Variants in IKZF2 observed in about 807,000 individuals in gnomAD.
IKZF2 encodes the protein zinc finger protein Helios.
A neutral mutation model predicts 49.2 loss-of-function variants in IKZF2; 15 were observed. That is an observed-to-expected ratio of 0.30 (90% CI 0.20 to 0.47). The LOEUF (loss-of-function observed/expected upper bound fraction) is 0.47. Ranked by LOEUF, IKZF2 falls within the 20% of genes least tolerant of loss-of-function variation. IKZF2 has a pLI of 1.00. For missense variants in IKZF2, 567 were observed against 664.6 expected (o/e 0.85, Z 1.61); for synonymous variants, 227 against 221.4 (o/e 1.03, Z -0.23).
chr2:213,136,387 A>AAAG (rs1553602768), intron 4 of IKZF2, among the ~76,000 whole-genome samples: 85 of 99,904 alleles, frequency 8.5e-4, no homozygotes, highest in African/African-American at 1.9e-3. Flanking sequence ...AAAAAAAAAA[A>AAAG]AAAAGAAAAA....
chr2:213,127,559 T>C (rs963542136), intron 4 of IKZF2, among the ~76,000 whole-genome samples: 12 of 152,172 alleles, frequency 7.9e-5, no homozygotes, highest in African/African-American at 2.7e-4. Context: ...AGTTTGTAAT[T>C]GTCATATTTT....
intron 4 of IKZF2, among the ~76,000 whole-genome samples, chr2:213,136,360 G>A (rs1446455182): frequency 1.0e-5 from 1 of 99,828 alleles, no homozygotes; most frequent in East Asian, 2.5e-4. Flanking sequence ...GACAGAGCGG[G>A]ACACTGTCTC....
At chr2:213,081,847 G>A (rs528870154) in intron 4 of IKZF2, among the ~76,000 whole-genome samples, 22 of 152,218 alleles carry the variant, frequency 1.4e-4, no homozygotes, top group African/African-American at 5.3e-4. Context: ...CTAAACTAGT[G>A]AGCTACTACA....
At chr2:213,134,688 C>T (rs572222213) in intron 4 of IKZF2, among the ~76,000 whole-genome samples, 5 of 152,244 alleles carry the variant, frequency 3.3e-5, no homozygotes, top group South Asian at 2.1e-4. Context: ...TTCTTTCTCC[C>T]GAATCTAAAT....
chr2:213,081,655 G>A (rs979416051), intron 4 of IKZF2, among the ~76,000 whole-genome samples: 4 of 152,166 alleles, frequency 2.6e-5, no homozygotes, highest in Non-Finnish European at 1.5e-5. Context: ...TCCCAGAAGG[G>A]GGAATAACAT....
intron 4 of IKZF2, among the ~76,000 whole-genome samples, chr2:213,132,266 GTACTCAAGAAAT>G: frequency 6.6e-6 from 1 of 150,976 alleles, no homozygotes; most frequent in Non-Finnish European, 1.5e-5. Flanking sequence ...GAGATAAGAT[GTACTCAAGAAAT>G]TAAGCAATGA....
chr2:213,122,902 A>G (rs536592126), intron 4 of IKZF2, among the ~76,000 whole-genome samples: 2 of 152,336 alleles, frequency 1.3e-5, no homozygotes, highest in East Asian at 3.9e-4. Context: ...GAAGCCAGCT[A>G]ATTTCCCTGT....
At chr2:213,146,763 G>GGGGGGC (rs2061084602) in intron 4 of IKZF2, among the ~76,000 whole-genome samples, 1 of 133,280 alleles carries the variant, frequency 7.5e-6, no homozygotes, top group African/African-American at 2.7e-5. Context: ...AATCTTCGGG[G>GGGGGGC]GGGGGGAAGG....
chr2:213,055,986 A>G (rs1701114432), intron 5 of IKZF2, among the ~76,000 whole-genome samples: 1 of 152,078 alleles, frequency 6.6e-6, no homozygotes, highest in Admixed American at 6.6e-5. Context: ...TTACCATTAA[A>G]CCAATTTTCA....
intron 4 of IKZF2, among the ~76,000 whole-genome samples, chr2:213,102,303 C>T (rs1373589407): frequency 6.6e-6 from 1 of 151,982 alleles, no homozygotes; most frequent in Non-Finnish European, 1.5e-5. Flanking sequence ...CAACTTTTAT[C>T]CAGCTGGAGC....
intron 7 of IKZF2, among the ~76,000 whole-genome samples, chr2:213,020,699 AT>A (rs1697114928): frequency 1.3e-5 from 2 of 152,172 alleles, no homozygotes; most frequent in Non-Finnish European, 2.9e-5. Context: ...TAACAAGAAA[AT>A]TTTAAATTAA....
At chr2:213,011,372 A>T (rs921430152) in intron 8 of IKZF2, among the ~76,000 whole-genome samples, 4 of 151,988 alleles carry the variant, frequency 2.6e-5, no homozygotes, top group African/African-American at 7.2e-5. Context: ...TTAAAAATGT[A>T]AGTGAGAAAG....
At chr2:213,142,879 T>C (rs1370080357) in intron 4 of IKZF2, among the ~76,000 whole-genome samples, 2 of 151,992 alleles carry the variant, frequency 1.3e-5, no homozygotes, top group African/African-American at 4.8e-5. Flanking sequence ...CTACCTTCTC[T>C]CGCTCTAGTG....
chr2:213,087,589 C>A (rs920288799), intron 4 of IKZF2, among the ~76,000 whole-genome samples: 1 of 152,072 alleles, frequency 6.6e-6, no homozygotes, highest in Non-Finnish European at 1.5e-5. Context: ...TGGTGTGCTG[C>A]ACCCGTTAAC....
chr2:213,122,143 T>C (rs1329292028), intron 4 of IKZF2, among the ~76,000 whole-genome samples: 1 of 152,180 alleles, frequency 6.6e-6, no homozygotes, highest in Non-Finnish European at 1.5e-5. Flanking sequence ...ATTATGCATA[T>C]ATGCTTACAT....
At chr2:213,025,508 G>A (rs10048743) in intron 6 of IKZF2, among the ~76,000 whole-genome samples, 1 of 151,942 alleles carries the variant, frequency 6.6e-6, no homozygotes, top group Non-Finnish European at 1.5e-5. Flanking sequence ...ATTAACCATC[G>A]GATACCTATT....
At position 213,001,960 on chromosome 2, in the gene IKZF2, T is replaced by A. The variant is rs1440796936; in HGVS notation, c.*5400A>T. On this transcript the variant is annotated 3_prime_UTR_variant, in exon 9 of 9. Coordinates refer to ENST00000434687, the MANE Select transcript of IKZF2 (RefSeq NM_001387220.1). ...TGTAGTCATTTTTTAAAAAATCAAT[T>A]TCCAGTAAATTAAAGTAAGTAAAAT... 6.6e-6 allele frequency: 1 copy of A among 151,600 alleles called. No homozygotes were observed. 9.4% of individuals were successfully genotyped at this position (151,600 alleles called of 1,614,324 possible). A position where few individuals can be genotyped will look rare whatever the true frequency, so the allele number is the denominator to read the frequency against.
chr2:213,053,497 G>T lies in IKZF2; in HGVS notation c.406+3336C>A, dbSNP rs529425204. On this transcript the variant is annotated intron_variant, in intron 5 of 8. Coordinates refer to ENST00000434687, the MANE Select transcript of IKZF2 (RefSeq NM_001387220.1). ...TTGCTTTGGTGAATCAAAGACAGAGGGTGCTCCTATGTTGGGTGGAACAAC... is the reference window on the plus strand; with the variant it reads ...TTGCTTTGGTGAATCAAAGACAGAGTGTGCTCCTATGTTGGGTGGAACAAC... Among the ~76,000 whole-genome samples, 30 of 152,182 alleles carry T rather than the reference G, an allele frequency of 2.0e-4. No homozygotes were observed. In the South Asian group the frequency reaches 6.0e-3, roughly 31 times the overall value.
intron 3 of IKZF2, 79 bp downstream of exon 3, chr2:213,148,517 C>A: frequency 1.0e-6 from 1 of 959,192 alleles, no homozygotes; most frequent in Non-Finnish European, 1.6e-6. Context: ...AATAAAGTTT[C>A]ATAATCCAGG....
Sources: allele counts gnomAD v4.1 joint callset (sites outside exome capture counted in the v4.1 genomes callset), GRCh38; gene constraint gnomAD v4.1.1; transcripts MANE v1.5; gene names NCBI Gene and HGNC (gene_info 2026-07-23, HGNC 2026-07-21).